Variants in GRXCR1 observed in about 807,000 individuals in gnomAD.
GRXCR1 encodes the protein glutaredoxin domain-containing cysteine-rich protein 1.
In GRXCR1, 27 loss-of-function variants were observed where a neutral mutation model predicts 27.3. The ratio of observed to expected loss-of-function variants is 0.99; its 90% CI spans 0.73 to 1.37. GRXCR1 has a LOEUF of 1.37. Ranked by LOEUF, GRXCR1 falls within the 40% of genes most tolerant of loss-of-function variation. The pLI, the probability that GRXCR1 is intolerant of heterozygous loss-of-function variation, is 0.00. For synonymous variants in GRXCR1, 122 were observed against 131.1 expected, an observed-to-expected ratio of 0.93 and a Z score of 0.47; for missense variants, 379 against 354.4, an observed-to-expected ratio of 1.07 and a Z score of -0.56.
intron 3 of GRXCR1, among the ~76,000 whole-genome samples, chr4:43,028,760 T>C (rs528586306): frequency 1.7e-4 from 26 of 152,336 alleles, no homozygotes; most frequent in African/African-American, 5.5e-4. Flanking sequence ...GTGCAGTGCA[T>C]CCTTTTTTTA....
intron 2 of GRXCR1, among the ~76,000 whole-genome samples, chr4:42,971,877 A>T (rs957594743): frequency 1.3e-5 from 2 of 152,202 alleles, no homozygotes; most frequent in Admixed American, 6.6e-5. Flanking sequence ...ATGGGAAGTT[A>T]GTTTTCTAAG....
Position 42,893,738 on chromosome 4 carries a change from C to G in GRXCR1, c.384+88C>G, listed in dbSNP as rs1023813858. 6 of 1,272,002 alleles carry G rather than the reference C, an allele frequency of 4.7e-6. No individual in the cohort carries two copies. In the African/African-American group the frequency reaches 8.8e-5, roughly 19 times the overall value. The allele number at this position is 1,272,002 out of a possible 1,614,324, so 78.8% of individuals were successfully genotyped here. A position where few individuals can be genotyped will look rare whatever the true frequency, so the allele number is the denominator to read the frequency against. On this transcript the variant is annotated intron_variant, in intron 1 of 3. Transcript: ENST00000399770. Reference sequence around the variant, plus strand: ...AGTTCTCCAGTTAAAGCAAGCCTCTCTTATTTGCAACTCCTACATGCTTCA... The same window carrying G: ...AGTTCTCCAGTTAAAGCAAGCCTCTGTTATTTGCAACTCCTACATGCTTCA...
At chr4:42,966,920 T>C (rs1030497053) in intron 2 of GRXCR1, among the ~76,000 whole-genome samples, 1 of 152,090 alleles carries the variant, frequency 6.6e-6, no homozygotes, top group Non-Finnish European at 1.5e-5. Context: ...GGTTTAAGAG[T>C]TCTTTGTATA....
intron 2 of GRXCR1, among the ~76,000 whole-genome samples, chr4:43,012,052 A>G (rs954020880): frequency 6.6e-6 from 1 of 152,140 alleles, no homozygotes; most frequent in Non-Finnish European, 1.5e-5. Flanking sequence ...TATTCTCACT[A>G]TGTGAATCTT....
intron 2 of GRXCR1, among the ~76,000 whole-genome samples, chr4:42,985,319 T>C (rs938856816): frequency 6.6e-6 from 1 of 152,236 alleles, no homozygotes; most frequent in African/African-American, 2.4e-5. Flanking sequence ...CTGTGTTTTT[T>C]ATTTGAATTT....
At position 43,001,952 on chromosome 4, in the gene GRXCR1, G is replaced by A. The variant is rs546992411; in HGVS notation, c.628-18402G>A. 5.9e-5 allele frequency among the ~76,000 whole-genome samples: 9 copies of A among 152,354 alleles called. No individual in the cohort carries two copies. In the South Asian group the frequency reaches 1.5e-3, roughly 25 times the overall value. On this transcript the variant is annotated intron_variant, in intron 2 of 3. Transcript: ENST00000399770. ...TCAAGGGAAGATACTATGCCTAGAT[G>A]TGCATGTGGGCCAGATTTATGTTTC...
At chr4:42,921,632 T>A (rs534135447) in intron 1 of GRXCR1, among the ~76,000 whole-genome samples, 2 of 152,166 alleles carry the variant, frequency 1.3e-5, no homozygotes, top group South Asian at 4.2e-4. Context: ...TGGTGAGATT[T>A]AAAAAATGGA....
chr4:43,003,162 A>T (rs1296258936), intron 2 of GRXCR1, among the ~76,000 whole-genome samples: 3 of 152,168 alleles, frequency 2.0e-5, no homozygotes, highest in Admixed American at 2.0e-4. Context: ...TTAGTCACTT[A>T]AACTTCTTTT....
intron 1 of GRXCR1, among the ~76,000 whole-genome samples, chr4:42,926,432 A>G (rs1000319371): frequency 3.3e-5 from 5 of 152,022 alleles, no homozygotes; most frequent in African/African-American, 1.2e-4. Flanking sequence ...TAAATGAACA[A>G]TGGAGCTGGT....
At chr4:43,008,180 T>C (rs76561925) in intron 2 of GRXCR1, among the ~76,000 whole-genome samples, 4,721 of 152,308 alleles carry the variant, frequency 0.031, 79 homozygotes, top group African/African-American at 0.039. Flanking sequence ...GTATTTAGTA[T>C]GTTAATTTTT....
chr4:42,956,964 A>G (rs1748018480), intron 1 of GRXCR1, among the ~76,000 whole-genome samples: 1 of 152,102 alleles, frequency 6.6e-6, no homozygotes, highest in Non-Finnish European at 1.5e-5. Flanking sequence ...GCTATAAAAT[A>G]CAACATGGTA....
rs568944992 is a variant in GRXCR1 at position 42,903,087 on chromosome 4, C to T, written c.384+9437C>T. On this transcript the variant is annotated intron_variant, in intron 1 of 3. Transcript: ENST00000399770. ...GGAGGTTTCATGTGAAACCCAGAGG[C>T]TACAACCGGAGCCCGAAGGCTGAAG... 4.3e-4 allele frequency among the ~76,000 whole-genome samples: 66 copies of T among 152,220 alleles called. No individual in the cohort carries two copies. The South Asian group carries it at 0.013, about 29-fold the overall frequency.
intron 2 of GRXCR1, among the ~76,000 whole-genome samples, chr4:43,016,458 C>T (rs1226593952): frequency 6.6e-6 from 1 of 152,088 alleles, no homozygotes; most frequent in East Asian, 1.9e-4. Flanking sequence ...AAATTTTTAA[C>T]CAAAAATTTT....
At chr4:43,015,842 T>C (rs1398912320) in intron 2 of GRXCR1, among the ~76,000 whole-genome samples, 2 of 151,860 alleles carry the variant, frequency 1.3e-5, no homozygotes, top group Non-Finnish European at 2.9e-5. Context: ...TTAAAATTTA[T>C]ATTTCTTTTT....
chr4:42,989,127 C>T (rs549827622), intron 2 of GRXCR1, among the ~76,000 whole-genome samples: 6 of 152,112 alleles, frequency 3.9e-5, no homozygotes, highest in Non-Finnish European at 8.8e-5. Context: ...TCTTTTATAT[C>T]GCTTATATAT....
intron 2 of GRXCR1, among the ~76,000 whole-genome samples, chr4:42,982,262 G>A (rs1032918533): frequency 7.3e-6 from 1 of 137,394 alleles, no homozygotes; most frequent in African/African-American, 2.8e-5. Context: ...GTGTCCATGT[G>A]ATCTCATTGT....
chr4:42,897,302 G>T lies in GRXCR1; in HGVS notation c.384+3652G>T, dbSNP rs537899595. 9.2e-5 allele frequency among the ~76,000 whole-genome samples: 14 copies of T among 152,084 alleles called. No homozygotes were observed. In the South Asian group the frequency reaches 2.3e-3, roughly 25 times the overall value. On this transcript the variant is annotated intron_variant, in intron 1 of 3. Coordinates refer to ENST00000399770, the MANE Select transcript of GRXCR1 (RefSeq NM_001080476.3). ...CTTATGAGATTACATTTCAGACAGC[G>T]ATTTTTTTCTTGACCTTATCCTCAA...
chr4:42,989,850 T>C (rs1711906018), intron 2 of GRXCR1, among the ~76,000 whole-genome samples: 1 of 152,168 alleles, frequency 6.6e-6, no homozygotes, highest in Admixed American at 6.5e-5. Context: ...TGCAAGCACC[T>C]CTCAAGTAAT....
At chr4:43,022,917 C>A (rs140797991) in intron 3 of GRXCR1, among the ~76,000 whole-genome samples, 338 of 152,300 alleles carry the variant, frequency 2.2e-3, no homozygotes, top group African/African-American at 7.9e-3. Context: ...TAAATGAGTT[C>A]TCTTATTATC....
Sources: allele counts gnomAD v4.1 joint callset (sites outside exome capture counted in the v4.1 genomes callset), GRCh38; gene constraint gnomAD v4.1.1; transcripts MANE v1.5; gene names NCBI Gene and HGNC (gene_info 2026-07-23, HGNC 2026-07-21).